The following R3HDM1 variants were observed in gnomAD, a reference collection of about 807,000 sequenced individuals.
The protein encoded by R3HDM1 is R3H domain containing 1, also known as R3H domain-containing protein 1.
R3HDM1 carries 46 observed loss-of-function variants against 141.1 expected under a neutral mutation model. That is an observed-to-expected ratio of 0.33 (90% confidence interval 0.26 to 0.42). The LOEUF is 0.42. R3HDM1 is among the 10% of genes least tolerant of loss of function. R3HDM1 has a pLI of 1.00. For synonymous variants in R3HDM1, 435 were observed against 472.9 expected (o/e 0.92, Z 1.04); for missense variants, 1,184 against 1,368.3 (o/e 0.87, Z 2.12).
intron 1 of R3HDM1, chr2:135,561,318 T>A: frequency 2.0e-6 from 2 of 985,062 alleles, no homozygotes. Flanking sequence ...TTCGGATAAG[T>A]TTTATATTTT....
intron 1 of R3HDM1, among the ~76,000 whole-genome samples, chr2:135,578,350 C>T (rs964097939): frequency 6.6e-6 from 1 of 152,116 alleles, no homozygotes; most frequent in Non-Finnish European, 1.5e-5. Flanking sequence ...AAACTAGAAA[C>T]TATTGAAACT....
At chr2:135,583,547 T>C (rs1707250049) in intron 1 of R3HDM1, among the ~76,000 whole-genome samples, 1 of 152,232 alleles carries the variant, frequency 6.6e-6, no homozygotes, top group Admixed American at 6.5e-5. Context: ...ATAGGTTTTG[T>C]CATTTATTTA....
chr2:135,667,492 A>G (rs971474261), intron 19 of R3HDM1: 2 of 443,358 alleles, frequency 4.5e-6, no homozygotes, highest in East Asian at 1.6e-4. Context: ...AGGCTTTCCC[A>G]CAATATTGAC....
intron 1 of R3HDM1, chr2:135,543,235 C>T (rs1697998210): frequency 3.1e-6 from 1 of 320,792 alleles, no homozygotes; most frequent in Non-Finnish European, 4.5e-6. Context: ...TGTTCTTTCC[C>T]CCATTGAATT....
chr2:135,671,478 T>A (rs1203266643), intron 19 of R3HDM1, among the ~76,000 whole-genome samples: 1 of 152,006 alleles, frequency 6.6e-6, no homozygotes, highest in Non-Finnish European at 1.5e-5. Flanking sequence ...CAAGTGATTC[T>A]CCTGCCTCAG....
At position 135,680,160 on chromosome 2, in the gene R3HDM1, T is replaced by C. The variant is rs201449271; in HGVS notation, c.2308-13T>C. The C allele has an allele frequency of 6.2e-7, 1 of 1,609,066 alleles. No individual in the cohort carries two copies. The highest frequency in any genetic ancestry group is 8.5e-7 in the Non-Finnish European group (1 of 1,178,002). On this transcript the variant is annotated splice_polypyrimidine_tract_variant and intron_variant, in intron 20 of 26. Coordinates refer to ENST00000683871, the MANE Select transcript of R3HDM1 (RefSeq NM_001378107.1). ...AAAACCTTTTTCTCTTGAAATTGTC[T>C]TTCAAATTTTAGGTTTCACTGCCTC...
intron 19 of R3HDM1, among the ~76,000 whole-genome samples, chr2:135,662,374 C>T (rs1174925878): frequency 2.6e-5 from 4 of 152,218 alleles, no homozygotes; most frequent in Non-Finnish European, 4.4e-5. Context: ...AGTAGTCATA[C>T]TTCTCTTTAT....
At chr2:135,663,134 CAAAA>C (rs555551580) in intron 19 of R3HDM1, among the ~76,000 whole-genome samples, 21,421 of 90,626 alleles carry the variant, frequency 0.24, 2,045 homozygotes, top group South Asian at 0.39. Flanking sequence ...GCCTCTCTGC[CAAAA>C]AAAAAAAAAA....
chr2:135,654,912 T>C (rs1333787953), intron 18 of R3HDM1, among the ~76,000 whole-genome samples: 2 of 150,290 alleles, frequency 1.3e-5, no homozygotes, highest in African/African-American at 5.0e-5. Context: ...GTTTGTCTTT[T>C]TGTTATTGAG....
intron 1 of R3HDM1, among the ~76,000 whole-genome samples, chr2:135,601,029 A>C (rs1050790126): frequency 4.6e-5 from 7 of 152,142 alleles, no homozygotes; most frequent in Admixed American, 2.6e-4. Flanking sequence ...GGAATTACAA[A>C]ATTAAGAGAT....
At chr2:135,548,574 C>G (rs1441383451) in intron 1 of R3HDM1, among the ~76,000 whole-genome samples, 1 of 152,068 alleles carries the variant, frequency 6.6e-6, no homozygotes, top group East Asian at 1.9e-4. Flanking sequence ...CTTTCCCAGT[C>G]ATCGCCCCCC....
intron 21 of R3HDM1, among the ~76,000 whole-genome samples, chr2:135,702,274 G>A (rs2074312622): frequency 6.9e-6 from 1 of 143,964 alleles, no homozygotes; most frequent in South Asian, 2.5e-4. Flanking sequence ...GGTAATCCCA[G>A]CATTTTTGGA....
At chr2:135,718,276 T>A (rs2105460994) in intron 24 of R3HDM1, among the ~76,000 whole-genome samples, 1 of 152,274 alleles carries the variant, frequency 6.6e-6, no homozygotes, top group East Asian at 1.9e-4. Context: ...ACACGGACTT[T>A]TACAGTTGTT....
Position 135,709,556 on chromosome 2 carries a change from A to C in R3HDM1, c.2563+20A>C. ...GTACAGGTATAAAGAAATCAGTGAAAATAAGATGATTGGTTCATATGAGAA... is the reference window on the plus strand; with the variant it reads ...GTACAGGTATAAAGAAATCAGTGAACATAAGATGATTGGTTCATATGAGAA... On this transcript the variant is annotated intron_variant, in intron 22 of 26. Coordinates refer to ENST00000683871, the MANE Select transcript of R3HDM1 (RefSeq NM_001378107.1). 3.7e-6 allele frequency: 6 copies of C among 1,610,896 alleles called. No homozygotes were observed. The highest frequency in any genetic ancestry group is 5.1e-6 in the Non-Finnish European group (6 of 1,178,142).
rs769017417 is a variant in R3HDM1 at position 135,636,006 on chromosome 2, A to G, written c.807+8A>G. ...GACAAAGATGATAACCAGGTAATCT[A>G]GAACAATTGTAGGATTTGTATAGGT... is the stretch of plus-strand genomic sequence containing the variant. On this transcript the variant is annotated splice_region_variant and intron_variant, in intron 10 of 26. Coordinates refer to ENST00000683871, the MANE Select transcript of R3HDM1 (RefSeq NM_001378107.1). 6.2e-6 allele frequency: 10 copies of G among 1,609,130 alleles called. No individual in the cohort carries two copies. Among genetic ancestry groups the G allele is most frequent in the Middle Eastern group, 1.7e-4 (1 of 6,014 alleles).
At chr2:135,701,557 C>G (rs537377237) in intron 21 of R3HDM1, among the ~76,000 whole-genome samples, 1 of 152,140 alleles carries the variant, frequency 6.6e-6, no homozygotes, top group Non-Finnish European at 1.5e-5. Context: ...ACTGTTGACT[C>G]TCCAACAGGA....
intron 23 of R3HDM1, among the ~76,000 whole-genome samples, chr2:135,711,335 A>G (rs1319307074): frequency 6.6e-6 from 1 of 152,204 alleles, no homozygotes; most frequent in Non-Finnish European, 1.5e-5. Flanking sequence ...AATATCAGAT[A>G]TAATGTATGG....
At chr2:135,620,457 T>A in intron 5 of R3HDM1, 1 of 955,888 alleles carries the variant, frequency 1.0e-6, no homozygotes, top group Non-Finnish European at 1.2e-6. Context: ...AAAAAGCAAG[T>A]GTTTGTCATC....
intron 1 of R3HDM1, chr2:135,566,751 A>G: frequency 7.1e-6 from 7 of 985,380 alleles, no homozygotes; most frequent in Non-Finnish European, 7.2e-6. Flanking sequence ...GGAAATGATC[A>G]AAACTGTAAG....
Sources: gnomAD v4.1 joint callset for allele counts (sites outside exome capture counted in the v4.1 genomes callset) on GRCh38, gnomAD v4.1.1 for gene constraint, MANE v1.5 for transcripts, NCBI Gene and HGNC (gene_info 2026-07-23, HGNC 2026-07-21) for gene names.